Variants in TRIO observed in about 807,000 individuals in gnomAD.
TRIO encodes triple functional domain protein.
TRIO carries 58 observed loss-of-function variants against 351.9 expected under a neutral mutation model. The observed-to-expected ratio is 0.16, with a 90% confidence interval of 0.13 to 0.21. The LOEUF (loss-of-function observed/expected upper bound fraction) is 0.21, where lower values mean the gene tolerates loss of function less well. Ranked by LOEUF, TRIO falls within the 10% of genes least tolerant of loss-of-function variation. The pLI, the probability that TRIO is intolerant of heterozygous loss-of-function variation, is 1.00. For synonymous variants in TRIO, 1,758 were observed against 1,595.7 expected (o/e 1.10, Z -2.42); for missense variants, 3,201 against 4,027.8 (o/e 0.79, Z 5.56).
rs139023965 is a variant in TRIO at position 14,341,160 on chromosome 5, T to G, written c.2046+4433T>G. On this transcript the variant is annotated intron_variant, in intron 11 of 56. Coordinates refer to ENST00000344204, the MANE Select transcript of TRIO (RefSeq NM_007118.4). ...GTCCCCCTGCAGTATGCATTCCCCTTCAGTCCTGTGTATGGCATTTATTCA... is the reference window on the plus strand; with the variant it reads ...GTCCCCCTGCAGTATGCATTCCCCTGCAGTCCTGTGTATGGCATTTATTCA... Among the ~76,000 whole-genome samples the G allele has an allele frequency of 5.7e-3, 874 of 152,338 alleles. 13 individuals carry two copies. Among genetic ancestry groups the G allele is most frequent in the African/African-American group, 0.02 (820 of 41,576 alleles).
At position 14,462,475 on chromosome 5, in the gene TRIO, G is replaced by T. The variant is rs369546778; in HGVS notation, c.5497-280G>T. Among the ~76,000 whole-genome samples, 4 of 152,162 alleles carry T rather than the reference G, an allele frequency of 2.6e-5. No homozygotes were observed. The East Asian group carries it at 7.7e-4, about 29-fold the overall frequency. ...AATTTTTGAGCCTTTTTAAAAATTG[G>T]CTTCTCAAAGATGAGCTGTGTTCAG... On this transcript the variant is annotated intron_variant, in intron 35 of 56. Transcript: ENST00000344204.
At chr5:14,314,049 A>G (rs165084) in intron 8 of TRIO, among the ~76,000 whole-genome samples, 1 of 152,174 alleles carries the variant, frequency 6.6e-6, no homozygotes, top group Non-Finnish European at 1.5e-5. Flanking sequence ...TCCAACAGTA[A>G]TGCAAGGAGT....
In TRIO at chr5:14,217,094, G is replaced by A. The variant is rs80082551; in HGVS notation, c.158-53731G>A. 3.1e-3 allele frequency among the ~76,000 whole-genome samples: 470 copies of A among 152,242 alleles called. 3 individuals are homozygous for A. The highest frequency in any genetic ancestry group is 0.011 in the African/African-American group (455 of 41,542). ...CCTCCTCCAGCACGATGCCCCATGC[G>A]TCACCGAGTTCTCTGATCACCGGTC... On this transcript the variant is annotated intron_variant, in intron 1 of 56. Coordinates refer to ENST00000344204, the MANE Select transcript of TRIO (RefSeq NM_007118.4).
intron 2 of TRIO, among the ~76,000 whole-genome samples, chr5:14,275,559 C>T (rs191279173): frequency 6.9e-6 from 1 of 145,882 alleles, no homozygotes; most frequent in East Asian, 2.1e-4. Context: ...CACCCTGTGC[C>T]TCCCCTATAG....
intron 5 of TRIO, 137 bp from the exon 6 acceptor site, chr5:14,292,875 C>G: frequency 8.0e-7 from 1 of 1,257,164 alleles, no homozygotes. Context: ...AGTAAAGACT[C>G]TTCTGAGAGA....
intron 1 of TRIO, among the ~76,000 whole-genome samples, chr5:14,243,743 A>G (rs1197989140): frequency 6.6e-6 from 1 of 152,106 alleles, no homozygotes; most frequent in Non-Finnish European, 1.5e-5. Flanking sequence ...CTGTGTTAGC[A>G]TTTTTTCTTT....
At chr5:14,165,738 A>G (rs919398283) in intron 1 of TRIO, among the ~76,000 whole-genome samples, 1 of 152,158 alleles carries the variant, frequency 6.6e-6, no homozygotes, top group Non-Finnish European at 1.5e-5. Context: ...GCATTTGCCC[A>G]GAAGTAAGCA....
At chr5:14,442,548 T>G (rs1056972332) in intron 34 of TRIO, among the ~76,000 whole-genome samples, 1 of 152,204 alleles carries the variant, frequency 6.6e-6, no homozygotes, top group African/African-American at 2.4e-5. Flanking sequence ...TCAATAATAC[T>G]CCTTGTATTT....
intron 56 of TRIO, 64 bp from the exon 57 acceptor site, chr5:14,507,816 C>T (rs1757814734): frequency 3.9e-6 from 6 of 1,552,236 alleles, no homozygotes; most frequent in Non-Finnish European, 5.2e-6. Context: ...AGAGTCCCGC[C>T]CATCATCACG....
At chr5:14,207,539 C>CACAT (rs1402080454) in intron 1 of TRIO, among the ~76,000 whole-genome samples, 1 of 149,824 alleles carries the variant, frequency 6.7e-6, no homozygotes, top group East Asian at 2.0e-4. Context: ...CACACACACA[C>CACAT]ACACACACAC....
chr5:14,488,375 T>A (rs951754900), intron 48 of TRIO, 115 bp downstream of exon 48: 12 of 1,425,140 alleles, frequency 8.4e-6, no homozygotes, highest in African/African-American at 1.4e-5. Context: ...CCGCCGCCCG[T>A]TGCGGCCTCT....
intron 41 of TRIO, 133 bp from the exon 42 acceptor site, chr5:14,479,128 C>T: frequency 1.4e-6 from 1 of 724,628 alleles, no homozygotes. Flanking sequence ...GAATTTACTC[C>T]CGAGAGCCTT....
chr5:14,446,541 C>A (rs566814067), intron 34 of TRIO, among the ~76,000 whole-genome samples: 3 of 152,068 alleles, frequency 2.0e-5, no homozygotes, highest in Non-Finnish European at 4.4e-5. Flanking sequence ...CAAATTAGTT[C>A]AGGTCTTGGT....
rs149334514 is a variant in TRIO, at chr5:14,488,661, C to T, written c.7632+401C>T. On this transcript the variant is annotated intron_variant, in intron 48 of 56. Coordinates refer to ENST00000344204, the MANE Select transcript of TRIO (RefSeq NM_007118.4). ...TGTACACTTTAAGCTTTTTGCTCAT[C>T]GCTTGGTTTTGCTCTTTTATGCCTT... 397 of 530,286 alleles carry T rather than the reference C, an allele frequency of 7.5e-4. 1 individual carries two copies. The highest frequency in any genetic ancestry group is 6.9e-3 in the African/African-American group (365 of 52,920). The allele number at this position is 530,286 out of a possible 1,614,324, so 32.8% of individuals were successfully genotyped here. A position where few individuals can be genotyped will look rare whatever the true frequency, so the allele number is the denominator to read the frequency against.
chr5:14,468,343 C>T (rs533016230), intron 37 of TRIO, among the ~76,000 whole-genome samples: 3 of 152,350 alleles, frequency 2.0e-5, no homozygotes, highest in Non-Finnish European at 4.4e-5. Context: ...AGTCTCATTA[C>T]GGTGAGTTCC....
At chr5:14,406,931 A>G (rs1748772506) in intron 33 of TRIO, among the ~76,000 whole-genome samples, 1 of 152,178 alleles carries the variant, frequency 6.6e-6, no homozygotes, top group African/African-American at 2.4e-5. Flanking sequence ...GTTACTGGAC[A>G]TTCGAGGGCA....
intron 53 of TRIO, among the ~76,000 whole-genome samples, chr5:14,500,918 CAG>C (rs1261792943): frequency 1.5e-5 from 2 of 129,890 alleles, no homozygotes; most frequent in African/African-American, 2.9e-5. Context: ...AAAAAACACA[CAG>C]GGAAAAAGAA....
chr5:14,268,942 C>T (rs1247635634), intron 1 of TRIO, among the ~76,000 whole-genome samples: 1 of 152,174 alleles, frequency 6.6e-6, no homozygotes, highest in Non-Finnish European at 1.5e-5. Context: ...TGCATCCATT[C>T]AAGAGTTTTG....
intron 35 of TRIO, 23 bp downstream of exon 35, chr5:14,461,334 G>A (rs774731344): frequency 1.7e-5 from 26 of 1,514,426 alleles, no homozygotes; most frequent in Non-Finnish European, 2.3e-5. Flanking sequence ...CCGCTGGTTG[G>A]GGCCGGCGTG....
Sources: gnomAD v4.1 joint callset for allele counts (sites outside exome capture counted in the v4.1 genomes callset) on GRCh38, gnomAD v4.1.1 for gene constraint, MANE v1.5 for transcripts, NCBI Gene and HGNC (gene_info 2026-07-23, HGNC 2026-07-21) for gene names.